Variants in RAB3C observed in about 807,000 individuals in gnomAD.
RAB3C encodes ras-related protein Rab-3C.
In RAB3C, 17 loss-of-function variants were observed where a neutral mutation model predicts 26.4. That is an observed-to-expected ratio of 0.64 (90% confidence interval 0.44 to 0.97). The LOEUF (loss-of-function observed/expected upper bound fraction) is 0.97, where lower values mean the gene tolerates loss of function less well. RAB3C is among the 50% of genes least tolerant of loss of function. The pLI is 0.00. For synonymous variants in RAB3C, 91 were observed against 95.9 expected, an observed-to-expected ratio of 0.95 and a Z score of 0.30; for missense variants, 242 against 281.9, an observed-to-expected ratio of 0.86 and a Z score of 1.01.
At chr5:58,707,488 T>C (rs1561295907) in intron 2 of RAB3C, among the ~76,000 whole-genome samples, 1 of 152,110 alleles carries the variant, frequency 6.6e-6, no homozygotes, top group Non-Finnish European at 1.5e-5. Flanking sequence ...CAACCTTAGG[T>C]TTCCAGAGAA....
intron 3 of RAB3C, among the ~76,000 whole-genome samples, chr5:58,742,820 G>A (rs1423162420): frequency 1.3e-5 from 2 of 152,134 alleles, no homozygotes; most frequent in Non-Finnish European, 2.9e-5. Flanking sequence ...TTTCATTTAT[G>A]TAGCAGATAA....
chr5:58,691,382 AT>A (rs1383985486), intron 2 of RAB3C, among the ~76,000 whole-genome samples: 1 of 152,178 alleles, frequency 6.6e-6, no homozygotes, highest in Admixed American at 6.5e-5. Context: ...TGTCTTCTGG[AT>A]AAATATTGGT....
chr5:58,773,770 C>G (rs1742071849), intron 3 of RAB3C, among the ~76,000 whole-genome samples: 1 of 152,064 alleles, frequency 6.6e-6, no homozygotes, highest in South Asian at 2.1e-4. Flanking sequence ...CAGTTGATCC[C>G]ATCACTCCCT....
chr5:58,782,735 A>C (rs1742297748), intron 3 of RAB3C, among the ~76,000 whole-genome samples: 1 of 152,198 alleles, frequency 6.6e-6, no homozygotes, highest in Non-Finnish European at 1.5e-5. Flanking sequence ...TAAGTCATGC[A>C]AAGGTATGAA....
intron 2 of RAB3C, among the ~76,000 whole-genome samples, chr5:58,716,002 A>T (rs1749162987): frequency 6.6e-6 from 1 of 151,666 alleles, no homozygotes. Context: ...CACAATGTGC[A>T]CATGTACCCT....
At chr5:58,642,247 G>T (rs755860944) in intron 2 of RAB3C, among the ~76,000 whole-genome samples, 2 of 152,122 alleles carry the variant, frequency 1.3e-5, no homozygotes, top group Non-Finnish European at 2.9e-5. Flanking sequence ...TTAGCTTTAG[G>T]TTCTAGTTCA....
intron 2 of RAB3C, among the ~76,000 whole-genome samples, chr5:58,722,443 G>T (rs1450880837): frequency 6.7e-6 from 1 of 150,286 alleles, no homozygotes; most frequent in South Asian, 2.1e-4. Flanking sequence ...AAGAGAAAAA[G>T]AAAGCCATTT....
At chr5:58,688,902 A>G (rs1021118041) in intron 2 of RAB3C, among the ~76,000 whole-genome samples, 2 of 152,012 alleles carry the variant, frequency 1.3e-5, no homozygotes, top group African/African-American at 4.8e-5. Context: ...TGTAATTTTT[A>G]CCTTAATAAT....
chr5:58,673,595 C>T (rs1748166981), intron 2 of RAB3C, among the ~76,000 whole-genome samples: 1 of 152,082 alleles, frequency 6.6e-6, no homozygotes, highest in Non-Finnish European at 1.5e-5. Flanking sequence ...TAGGGTTTGA[C>T]CCAAGGATTT....
intron 2 of RAB3C, among the ~76,000 whole-genome samples, chr5:58,625,421 T>G (rs1464250553): frequency 6.6e-6 from 1 of 151,980 alleles, no homozygotes; most frequent in African/African-American, 2.4e-5. Flanking sequence ...GAGGAAAAAG[T>G]TTTTCCAGGA....
intron 3 of RAB3C, among the ~76,000 whole-genome samples, chr5:58,747,110 G>GT (rs558615637): frequency 1.3e-5 from 2 of 151,692 alleles, no homozygotes; most frequent in East Asian, 3.9e-4. Context: ...AAATCTTCTG[G>GT]TTTTTTTTCT....
chr5:58,731,187 A>T (rs1237228136), intron 3 of RAB3C, among the ~76,000 whole-genome samples: 1 of 152,118 alleles, frequency 6.6e-6, no homozygotes, highest in East Asian at 1.9e-4. Context: ...GCAGCGAGCT[A>T]ACAGATTATT....
At chr5:58,767,670 A>G (rs1275892539) in intron 3 of RAB3C, among the ~76,000 whole-genome samples, 1 of 152,180 alleles carries the variant, frequency 6.6e-6, no homozygotes, top group Admixed American at 6.5e-5. Context: ...TGATATTGCT[A>G]CTAGCATTCG....
intron 1 of RAB3C, among the ~76,000 whole-genome samples, chr5:58,605,483 C>T (rs1746540548): frequency 6.6e-6 from 1 of 152,124 alleles, no homozygotes; most frequent in Admixed American, 6.5e-5. Flanking sequence ...TTATATCTAT[C>T]AGAGAAATGA....
At chr5:58,713,402 T>C (rs1749103465) in intron 2 of RAB3C, among the ~76,000 whole-genome samples, 1 of 152,236 alleles carries the variant, frequency 6.6e-6, no homozygotes, top group Non-Finnish European at 1.5e-5. Context: ...AAACACGACG[T>C]TAATCAAACA....
chr5:58,810,508 CTT>C (rs1241642258), intron 3 of RAB3C, among the ~76,000 whole-genome samples: 1 of 152,054 alleles, frequency 6.6e-6, no homozygotes, highest in Non-Finnish European at 1.5e-5. Context: ...ATATTGGACA[CTT>C]CCTTCTAAAG....
intron 3 of RAB3C, among the ~76,000 whole-genome samples, chr5:58,762,004 C>T (rs1291373097): frequency 6.7e-6 from 1 of 150,184 alleles, no homozygotes; most frequent in Non-Finnish European, 1.5e-5. Flanking sequence ...ATAGAAACAT[C>T]ATCTGAGCCA....
chr5:58,692,559 C>T (rs2111861237), intron 2 of RAB3C, among the ~76,000 whole-genome samples: 1 of 152,016 alleles, frequency 6.6e-6, no homozygotes, highest in South Asian at 2.1e-4. Context: ...GGCCCATATG[C>T]ATCATTTTTA....
chr5:58,819,055 T>C (rs1382228342), intron 3 of RAB3C, among the ~76,000 whole-genome samples: 3 of 152,184 alleles, frequency 2.0e-5, no homozygotes, highest in Admixed American at 2.0e-4. Flanking sequence ...TTATAGGAAT[T>C]AGAAATGATG....
Sources: allele counts gnomAD v4.1 joint callset (sites outside exome capture counted in the v4.1 genomes callset), GRCh38; gene constraint gnomAD v4.1.1; transcripts MANE v1.5; gene names NCBI Gene and HGNC (gene_info 2026-07-23, HGNC 2026-07-21).